Variants in DSCAM observed in about 807,000 individuals in gnomAD.
The protein encoded by DSCAM is cell adhesion molecule DSCAM.
Under a neutral mutation model 217.7 loss-of-function variants are expected in DSCAM, and 47 were observed. The observed-to-expected ratio is 0.22, with a 90% CI of 0.17 to 0.28. DSCAM has a LOEUF of 0.28. Among genes scored for constraint, DSCAM ranks in the 10% least tolerant of loss-of-function variants. The pLI is 1.00. For synonymous variants in DSCAM, 1,056 were observed against 1,015.3 expected (o/e 1.04, Z -0.76); for missense variants, 2,080 against 2,618.3 (o/e 0.79, Z 4.49).
At chr21:40,490,606 G>T (rs147487175) in intron 3 of DSCAM, among the ~76,000 whole-genome samples, 290 of 152,250 alleles carry the variant, frequency 1.9e-3, no homozygotes, top group African/African-American at 6.8e-3. Context: ...TCTGGCTGGA[G>T]TACCCCCACC....
chr21:40,431,874 G>A (rs1000802640), intron 3 of DSCAM, among the ~76,000 whole-genome samples: 1 of 152,118 alleles, frequency 6.6e-6, no homozygotes, highest in Non-Finnish European at 1.5e-5. Context: ...CAACTTAGTG[G>A]CTTAAAGCAA....
chr21:40,232,373 T>C (rs2091389873), intron 11 of DSCAM, among the ~76,000 whole-genome samples: 1 of 152,188 alleles, frequency 6.6e-6, no homozygotes, highest in Admixed American at 6.5e-5. Context: ...CTACGGAGCA[T>C]GGGGTATGAT....
At chr21:40,547,450 C>G (rs1013864539) in intron 3 of DSCAM, among the ~76,000 whole-genome samples, 1 of 152,196 alleles carries the variant, frequency 6.6e-6, no homozygotes, top group Non-Finnish European at 1.5e-5. Context: ...TGGGATTCAG[C>G]TGTCAGGCCT....
chr21:40,453,967 C>T (rs569444709), intron 3 of DSCAM, among the ~76,000 whole-genome samples: 1 of 152,162 alleles, frequency 6.6e-6, no homozygotes, highest in Non-Finnish European at 1.5e-5. Context: ...ATTCTACTCT[C>T]CAACAGGGCC....
chr21:40,363,230 T>C (rs1468294819), intron 4 of DSCAM, among the ~76,000 whole-genome samples: 1 of 151,030 alleles, frequency 6.6e-6, no homozygotes, highest in Non-Finnish European at 1.5e-5. Flanking sequence ...TTTTGAAGTG[T>C]GTACCAATAG....
At chr21:40,264,815 A>G (rs935305137) in intron 11 of DSCAM, among the ~76,000 whole-genome samples, 12 of 152,216 alleles carry the variant, frequency 7.9e-5, no homozygotes, top group Non-Finnish European at 1.8e-4. Flanking sequence ...TACATCTGAT[A>G]AATGAATTCA....
intron 1 of DSCAM, 54 bp from the exon 2 acceptor site, chr21:40,708,825 T>C: frequency 7.8e-7 from 1 of 1,284,602 alleles, no homozygotes; most frequent in Non-Finnish European, 1.0e-6. Flanking sequence ...CCTTTGACAT[T>C]TGCAGTTCAA....
intron 11 of DSCAM, among the ~76,000 whole-genome samples, chr21:40,221,655 A>C (rs55822522): frequency 0.052 from 7,959 of 152,162 alleles, 517 homozygotes; most frequent in African/African-American, 0.16. Flanking sequence ...TTTAGCCAAC[A>C]GTACAAAAGC....
intron 3 of DSCAM, among the ~76,000 whole-genome samples, chr21:40,531,872 C>G (rs1156855236): frequency 6.6e-6 from 1 of 152,162 alleles, no homozygotes; most frequent in Admixed American, 6.5e-5. Context: ...ATGCTCTGCA[C>G]AGCTGTCTAT....
intron 1 of DSCAM, among the ~76,000 whole-genome samples, chr21:40,825,031 C>A (rs952158852): frequency 1.4e-4 from 22 of 152,178 alleles, no homozygotes; most frequent in Admixed American, 6.5e-5. Flanking sequence ...TGAGCATGTC[C>A]TATTGTCCTG....
chr21:40,639,730 G>C (rs2089854845), intron 3 of DSCAM, among the ~76,000 whole-genome samples: 1 of 151,542 alleles, frequency 6.6e-6, no homozygotes, highest in Admixed American at 6.6e-5. Context: ...CTAGGCTGTG[G>C]TTCCAAATTC....
intron 20 of DSCAM, among the ~76,000 whole-genome samples, chr21:40,121,625 A>G (rs2090034329): frequency 6.6e-6 from 1 of 151,266 alleles, no homozygotes; most frequent in South Asian, 2.1e-4. Context: ...ATACCCTGAT[A>G]AAAATCTCAG....
chr21:40,785,044 C>T (rs184316980), intron 1 of DSCAM, among the ~76,000 whole-genome samples: 151 of 152,258 alleles, frequency 9.9e-4, no homozygotes, highest in African/African-American at 3.5e-3. Context: ...AGATAACTTC[C>T]AAGTCAACTC....
chr21:40,319,562 C>T (rs1383233366), intron 8 of DSCAM, among the ~76,000 whole-genome samples: 1 of 152,102 alleles, frequency 6.6e-6, no homozygotes, highest in Non-Finnish European at 1.5e-5. Context: ...ATCACAGGTA[C>T]CCCCTTCACA....
intron 17 of DSCAM, 151 bp from the exon 18 acceptor site, chr21:40,142,855 C>A: frequency 1.1e-6 from 1 of 897,204 alleles, no homozygotes; most frequent in Non-Finnish European, 1.7e-6. Flanking sequence ...AGATCACTTC[C>A]CTGGAAAAAT....
intron 1 of DSCAM, among the ~76,000 whole-genome samples, chr21:40,792,991 G>C (rs766234170): frequency 6.6e-6 from 1 of 152,170 alleles, no homozygotes; most frequent in Non-Finnish European, 1.5e-5. Flanking sequence ...TTAGTTCTTA[G>C]ATGTATATTT....
At chr21:40,692,245 T>C (rs2090546265) in intron 3 of DSCAM, among the ~76,000 whole-genome samples, 1 of 152,360 alleles carries the variant, frequency 6.6e-6, no homozygotes, top group East Asian at 1.9e-4. Flanking sequence ...CTGCAGTTTC[T>C]TGGAGGCTAA....
At chr21:40,227,210 G>A (rs1019836947) in intron 11 of DSCAM, among the ~76,000 whole-genome samples, 2 of 152,136 alleles carry the variant, frequency 1.3e-5, no homozygotes, top group African/African-American at 4.8e-5. Flanking sequence ...AATGTGTCAT[G>A]GTTGACTCTG....
chr21:40,652,361 A>G (rs1392193407), intron 3 of DSCAM, among the ~76,000 whole-genome samples: 1 of 140,936 alleles, frequency 7.1e-6, no homozygotes. Flanking sequence ...AAAAAAAAAA[A>G]ACAACTTCTA....
Sources: gnomAD v4.1 joint callset for allele counts (sites outside exome capture counted in the v4.1 genomes callset) on GRCh38, gnomAD v4.1.1 for gene constraint, MANE v1.5 for transcripts, NCBI Gene and HGNC (gene_info 2026-07-23, HGNC 2026-07-21) for gene names.